Variants in RGS6 observed in about 807,000 individuals in gnomAD.
RGS6 encodes the protein regulator of G-protein signaling 6.
RGS6 carries 30 observed loss-of-function variants against 78.5 expected under a neutral mutation model. The observed-to-expected ratio is 0.38, with a 90% CI of 0.29 to 0.52. The LOEUF is 0.52. Ranked by LOEUF, RGS6 falls within the 20% of genes least tolerant of loss-of-function variation. The pLI is 0.85. For synonymous variants in RGS6, 206 were observed against 206.0 expected (o/e 1.00, Z 0.00); for missense variants, 495 against 609.7 (o/e 0.81, Z 1.98).
At chr14:72,175,333 C>A (rs1339378554) in intron 2 of RGS6, among the ~76,000 whole-genome samples, 1 of 152,164 alleles carries the variant, frequency 6.6e-6, no homozygotes, top group African/African-American at 2.4e-5. Context: ...CATACTGTGA[C>A]TTTTAGAATG....
intron 3 of RGS6, among the ~76,000 whole-genome samples, chr14:72,372,153 C>A (rs934298416): frequency 6.6e-6 from 1 of 152,168 alleles, no homozygotes; most frequent in Admixed American, 6.5e-5. Context: ...AACGTTGTTA[C>A]TGACATGTTA....
chr14:71,999,223 C>T (rs966937091), intron 2 of RGS6, among the ~76,000 whole-genome samples: 13 of 152,148 alleles, frequency 8.5e-5, no homozygotes, highest in African/African-American at 2.9e-4. Flanking sequence ...GAGCGTCAGT[C>T]GAAGTGAAAA....
At chr14:72,302,770 G>A (rs1161691705) in intron 2 of RGS6, among the ~76,000 whole-genome samples, 1 of 152,144 alleles carries the variant, frequency 6.6e-6, no homozygotes, top group Non-Finnish European at 1.5e-5. Flanking sequence ...GTACAGCCAT[G>A]ATATGGCTTG....
At chr14:72,225,847 G>A (rs1447103518) in intron 2 of RGS6, among the ~76,000 whole-genome samples, 7 of 152,156 alleles carry the variant, frequency 4.6e-5, no homozygotes, top group African/African-American at 1.7e-4. Context: ...TTCACTGGCT[G>A]CTAATATTCT....
chr14:72,207,240 C>T (rs1164052526), intron 2 of RGS6, among the ~76,000 whole-genome samples: 1 of 152,072 alleles, frequency 6.6e-6, no homozygotes, highest in African/African-American at 2.4e-5. Flanking sequence ...TTGTAATCTG[C>T]TGCTTTTATT....
intron 2 of RGS6, among the ~76,000 whole-genome samples, chr14:71,969,409 T>G (rs1303563925): frequency 6.6e-6 from 1 of 152,196 alleles, no homozygotes; most frequent in African/African-American, 2.4e-5. Context: ...TTCTCCTAAC[T>G]AGACTGGTAA....
intron 3 of RGS6, among the ~76,000 whole-genome samples, chr14:72,412,912 A>C (rs1288169971): frequency 6.6e-6 from 1 of 151,648 alleles, no homozygotes; most frequent in African/African-American, 2.4e-5. Flanking sequence ...TTCTAGTTTG[A>C]TTGCACTGTG....
chr14:72,335,596 C>G lies in RGS6; in HGVS notation c.85-16499C>G, dbSNP rs560160167. On this transcript the variant is annotated intron_variant, in intron 2 of 17. Transcript: ENST00000553525. Reference sequence around the variant, plus strand: ...TTTGCTTGGAGCTGTGTTTGTAGAACAAGCACACTGTTTTTAACGTGGTTT... The same window carrying G: ...TTTGCTTGGAGCTGTGTTTGTAGAAGAAGCACACTGTTTTTAACGTGGTTT... Among the ~76,000 whole-genome samples the G allele has an allele frequency of 2.0e-5, 3 of 152,272 alleles. No homozygotes were observed. In the South Asian group the frequency reaches 6.2e-4, roughly 32 times the overall value.
chr14:72,364,391 T>C (rs530392183), intron 3 of RGS6, among the ~76,000 whole-genome samples: 10 of 152,332 alleles, frequency 6.6e-5, no homozygotes, highest in African/African-American at 1.9e-4. Context: ...CCTGTTACTG[T>C]GGCAAGAGAA....
intron 2 of RGS6, among the ~76,000 whole-genome samples, chr14:72,138,343 G>A (rs987993744): frequency 1.3e-5 from 2 of 151,698 alleles, no homozygotes; most frequent in South Asian, 2.1e-4. Flanking sequence ...CATCATGAGC[G>A]CATTGAGGGG....
chr14:72,555,501 G>GGAA (rs1323034233), intron 17 of RGS6, among the ~76,000 whole-genome samples: 2 of 152,314 alleles, frequency 1.3e-5, no homozygotes, highest in African/African-American at 2.4e-5. Context: ...CTTTTCTCAG[G>GGAA]GAAGTTGAGA....
At chr14:72,248,248 C>T (rs922181325) in intron 2 of RGS6, among the ~76,000 whole-genome samples, 6 of 152,122 alleles carry the variant, frequency 3.9e-5, no homozygotes, top group African/African-American at 1.4e-4. Context: ...CATGTACTAT[C>T]ATTATAGATT....
At chr14:72,133,011 A>T (rs922349737) in intron 2 of RGS6, among the ~76,000 whole-genome samples, 14 of 152,184 alleles carry the variant, frequency 9.2e-5, no homozygotes, top group African/African-American at 3.4e-4. Context: ...GTTTCTTTAC[A>T]ACGTGATTGA....
At chr14:72,513,762 G>T (rs1225125598) in intron 14 of RGS6, 2 of 152,228 alleles carry the variant, frequency 1.3e-5, no homozygotes, top group Non-Finnish European at 1.5e-5. Flanking sequence ...ACCCTCTGCT[G>T]CACAGCAGAG....
intron 2 of RGS6, among the ~76,000 whole-genome samples, chr14:71,967,090 A>G (rs2093566660): frequency 6.6e-6 from 1 of 151,904 alleles, no homozygotes; most frequent in Non-Finnish European, 1.5e-5. Flanking sequence ...TTTCTGGTTT[A>G]ATTTAGTAAC....
chr14:72,162,801 TAC>T (rs751329498), intron 2 of RGS6, among the ~76,000 whole-genome samples: 19 of 152,022 alleles, frequency 1.2e-4, no homozygotes, highest in African/African-American at 4.3e-4. Flanking sequence ...CATATATATA[TAC>T]ACACACACAC....
the RGS6 span, among the ~76,000 whole-genome samples, chr14:71,874,124 G>A: frequency 7.2e-5 from 11 of 152,122 alleles, no homozygotes; most frequent in African/African-American, 2.7e-4. Flanking sequence ...TGGCAATGTG[G>A]GCTCTTTTTT....
At chr14:72,359,717 A>C (rs967178049) in intron 3 of RGS6, among the ~76,000 whole-genome samples, 1 of 152,246 alleles carries the variant, frequency 6.6e-6, no homozygotes, top group African/African-American at 2.4e-5. Context: ...CAAGGAGGAA[A>C]AATCAAGAGG....
In RGS6 at chr14:72,476,852, G is replaced by C; in HGVS notation, c.792+12G>C. The C allele has an allele frequency of 6.2e-7, 1 of 1,609,500 alleles. No individual in the cohort carries two copies. The highest frequency in any genetic ancestry group is 1.1e-5 in the South Asian group (1 of 90,942). On this transcript the variant is annotated intron_variant, in intron 11 of 17. Transcript: ENST00000553525. The stretch of plus-strand genomic sequence containing the variant: ...ACATCCGGAAACAGGTGAATGAATT[G>C]ACAGCTTGCACTCTCAGGAGGAGAC...
Sources: gnomAD v4.1 joint callset for allele counts (sites outside exome capture counted in the v4.1 genomes callset) on GRCh38, gnomAD v4.1.1 for gene constraint, MANE v1.5 for transcripts, NCBI Gene and HGNC (gene_info 2026-07-23, HGNC 2026-07-21) for gene names.